The following RRM2 variants were observed in gnomAD, a reference collection of about 807,000 sequenced individuals.
RRM2 encodes ribonucleoside-diphosphate reductase subunit M2.
RRM2 carries 6 observed loss-of-function variants against 45.9 expected under a neutral mutation model. The observed-to-expected ratio is 0.13, with a 90% CI of 0.07 to 0.26. The LOEUF (loss-of-function observed/expected upper bound fraction) is 0.26. Among genes scored for constraint, RRM2 ranks in the 10% least tolerant of loss-of-function variants. RRM2 has a pLI of 1.00. For missense variants in RRM2, 343 were observed against 489.5 expected (o/e 0.70, Z 2.82); for synonymous variants, 177 against 173.0 (o/e 1.02, Z -0.18).
rs1663822937 is a variant in RRM2 at position 10,172,400 on chromosome 2, C to T, written n.482+30025C>T. ...GGGCGGACGGAGGACACTGCTTCTG[C>T]AGCGCTCCTTGTCTCCGTCAGTGAT... On this transcript the variant is annotated intron_variant and non_coding_transcript_variant, in intron 3 of 3. Coordinates refer to the RRM2 transcript ENST00000381786. This position sits in a 1 kb window ranked among gnomAD's most constrained non-coding sequence, Gnocchi z 4.9. Among the ~76,000 whole-genome samples, 1 of 152,198 alleles carries T rather than the reference C, an allele frequency of 6.6e-6. No individual in the cohort carries two copies. The highest frequency in any genetic ancestry group is 2.4e-5 in the African/African-American group (1 of 41,440).
intron 3 of RRM2, among the ~76,000 whole-genome samples, chr2:10,162,969 A>G (rs1663599138): frequency 6.6e-6 from 1 of 152,182 alleles, no homozygotes; most frequent in Non-Finnish European, 1.5e-5. Flanking sequence ...AATAGAGTAG[A>G]CAGAGTCTGC....
rs1664144010 is a variant in RRM2 at position 10,185,417 on chromosome 2, CTT to C, written n.483-24889_483-24888del. Among the ~76,000 whole-genome samples the C allele has an allele frequency of 1.3e-5, 2 of 152,216 alleles. No individual in the cohort carries two copies. The highest frequency in any genetic ancestry group is 2.4e-5 in the African/African-American group (1 of 41,534). ...TATATTGACTACATACTTTAAAAGA[CTT>C]TTTTATAATGGGAAACTTTGAACAT... On this transcript the variant is annotated intron_variant and non_coding_transcript_variant, in intron 3 of 3. Coordinates refer to the RRM2 transcript ENST00000381786. The surrounding 1 kb of genome is among the most constrained non-coding windows in gnomAD (Gnocchi z 4.3).
chr2:10,148,986 T>C (rs1663250214), intron 3 of RRM2, among the ~76,000 whole-genome samples: 1 of 152,222 alleles, frequency 6.6e-6, no homozygotes, highest in Admixed American at 6.5e-5. Flanking sequence ...GATGCTCCTC[T>C]GCGCACCTTT....
chr2:10,145,648 A>G (rs1663172114), intron 3 of RRM2: 1 of 151,962 alleles, frequency 6.6e-6, no homozygotes, highest in African/African-American at 2.4e-5. Context: ...GACCCCAGGG[A>G]CTCCGCAGTG....
chr2:10,157,323 A>C (rs1663452445), intron 3 of RRM2, among the ~76,000 whole-genome samples: 1 of 152,150 alleles, frequency 6.6e-6, no homozygotes, highest in Admixed American at 6.5e-5. Flanking sequence ...AGCCACTGCA[A>C]CTGGCCCTAA....
At chr2:10,158,302 C>T (rs1467956100) in intron 3 of RRM2, among the ~76,000 whole-genome samples, 8 of 152,154 alleles carry the variant, frequency 5.3e-5, no homozygotes, top group South Asian at 2.1e-4. Flanking sequence ...CACAGGAAAG[C>T]GCTCGCGAAC....
intron 3 of RRM2, among the ~76,000 whole-genome samples, chr2:10,160,432 C>T (rs752990918): frequency 3.9e-5 from 6 of 152,212 alleles, no homozygotes; most frequent in South Asian, 2.1e-4. Context: ...GCTTGCCCAT[C>T]GGGCCCTGCA....
chr2:10,188,407 G>A (rs1468317718), intron 3 of RRM2, among the ~76,000 whole-genome samples: 1 of 152,180 alleles, frequency 6.6e-6, no homozygotes, highest in African/African-American at 2.4e-5. Flanking sequence ...TTCTTGCTGT[G>A]TCCTCACATG....
rs556003358 is a variant in RRM2 at position 10,195,586 on chromosome 2, G to C, written n.483-14725G>C. On this transcript the variant is annotated intron_variant and non_coding_transcript_variant, in intron 3 of 3. Coordinates refer to the RRM2 transcript ENST00000381786. The surrounding 1 kb of genome is among the most constrained non-coding windows in gnomAD (Gnocchi z 4.9). Reference sequence around the variant, plus strand: ...GAGCATCCCAGGCAAAGTGAGCCGCGTTTACCTGGAGACCAAGGGTGGGAA... The same window carrying C: ...GAGCATCCCAGGCAAAGTGAGCCGCCTTTACCTGGAGACCAAGGGTGGGAA... Among the ~76,000 whole-genome samples the C allele has an allele frequency of 6.6e-6, 1 of 152,204 alleles. No homozygotes were observed. The highest frequency in any genetic ancestry group is 1.5e-5 in the Non-Finnish European group (1 of 68,024).
At chr2:10,174,212 C>G (rs1341693222) in intron 3 of RRM2, among the ~76,000 whole-genome samples, 1 of 152,330 alleles carries the variant, frequency 6.6e-6, no homozygotes, top group Non-Finnish European at 1.5e-5. Context: ...TGCACCTTGA[C>G]CTTGGACTTC....
chr2:10,187,294 C>T (rs368678142), intron 3 of RRM2, among the ~76,000 whole-genome samples: 4 of 152,212 alleles, frequency 2.6e-5, no homozygotes, highest in African/African-American at 4.8e-5. Flanking sequence ...TCATGGAAAC[C>T]GGTCACGCAG....
chr2:10,210,677 G>T, exon 4 of RRM2: 3 of 1,269,414 alleles, frequency 2.4e-6, no homozygotes, highest in Non-Finnish European at 3.1e-6. Flanking sequence ...AAGCCTGCAG[G>T]CCAGGGAGGG....
chr2:10,138,978 G>A (rs1663036462), upstream of RRM2, among the ~76,000 whole-genome samples: 1 of 152,134 alleles, frequency 6.6e-6, no homozygotes, highest in South Asian at 2.1e-4. Context: ...CGTGGTGATG[G>A]GTGCCTGTAA....
At chr2:10,175,296 TA>T (rs1156827647) in intron 3 of RRM2, among the ~76,000 whole-genome samples, 1 of 152,260 alleles carries the variant, frequency 6.6e-6, no homozygotes, top group East Asian at 1.9e-4. Context: ...TGGTCTTTCT[TA>T]AACCTCATAT....
intron 3 of RRM2, among the ~76,000 whole-genome samples, chr2:10,182,539 G>A (rs964790068): frequency 2.0e-5 from 3 of 152,170 alleles, no homozygotes; most frequent in Admixed American, 6.5e-5. Flanking sequence ...GAAGCTGGAC[G>A]CTAGTCCCAG....
intron 3 of RRM2, among the ~76,000 whole-genome samples, chr2:10,197,512 G>A (rs544484598): frequency 5.3e-5 from 8 of 152,246 alleles, no homozygotes; most frequent in Middle Eastern, 3.4e-3. Context: ...AGGCCTGGGG[G>A]GCATTGAGCA....
chr2:10,138,061 C>T (rs561451266), upstream of RRM2, among the ~76,000 whole-genome samples: 13 of 152,182 alleles, frequency 8.5e-5, no homozygotes, highest in Admixed American at 1.3e-4. Flanking sequence ...AGTGCAGTGA[C>T]GTGATCTCGG....
intron 3 of RRM2, among the ~76,000 whole-genome samples, chr2:10,174,778 G>T (rs1372597089): frequency 1.3e-5 from 2 of 151,754 alleles, no homozygotes; most frequent in Non-Finnish European, 2.9e-5. Context: ...GAGGCAGGAG[G>T]ATCACCTGAG....
At chr2:10,176,304 T>C (rs1663912554) in intron 3 of RRM2, among the ~76,000 whole-genome samples, 1 of 152,150 alleles carries the variant, frequency 6.6e-6, no homozygotes, top group African/African-American at 2.4e-5. Context: ...GTTTTGCTCT[T>C]GTTGCCCAGG....
Sources: gnomAD v4.1 joint callset for allele counts (sites outside exome capture counted in the v4.1 genomes callset) on GRCh38, gnomAD v4.1.1 for gene constraint, Gnocchi (gnomAD v3.1) non-coding constraint, MANE v1.5 for transcripts, NCBI Gene and HGNC (gene_info 2026-07-23, HGNC 2026-07-21) for gene names.